Variants in FAM228B observed in about 807,000 individuals in gnomAD.
The protein encoded by FAM228B is family with sequence similarity 228 member B, also known as protein FAM228B.
Under a neutral mutation model 42.6 loss-of-function variants are expected in FAM228B, and 38 were observed. The observed-to-expected ratio is 0.89, with a 90% CI of 0.69 to 1.17. The LOEUF (loss-of-function observed/expected upper bound fraction) is 1.17, where lower values mean the gene tolerates loss of function less well. Ranked by LOEUF, FAM228B falls within the 50% of genes most tolerant of loss-of-function variation. The pLI is 0.00. For missense variants in FAM228B, 344 were observed against 367.3 expected (o/e 0.94, Z 0.52); for synonymous variants, 109 against 122.3 (o/e 0.89, Z 0.72).
At chr2:24,150,280 A>G (rs2384008) in intron 7 of FAM228B, among the ~76,000 whole-genome samples, 40,222 of 152,040 alleles carry the variant, frequency 0.26, 6,145 homozygotes, top group Non-Finnish European at 0.35. Context: ...CATATAGGAT[A>G]GGTTTGGTGT....
intron 2 of FAM228B, among the ~76,000 whole-genome samples, chr2:24,082,375 T>G (rs1665043777): frequency 6.6e-6 from 1 of 152,188 alleles, no homozygotes; most frequent in Admixed American, 6.5e-5. Flanking sequence ...CTGACTACCC[T>G]TGTCCACACC....
intron 5 of FAM228B, among the ~76,000 whole-genome samples, chr2:24,141,200 G>A (rs535367135): frequency 2.8e-4 from 42 of 151,600 alleles, no homozygotes; most frequent in Non-Finnish European, 5.6e-4. Flanking sequence ...TCAGCCTCCC[G>A]AGTAACTGGG....
chr2:24,079,225 G>T, intron 1 of FAM228B: 1 of 548,768 alleles, frequency 1.8e-6, no homozygotes. Flanking sequence ...GATAACCTGT[G>T]AAGTATCAGC....
chr2:24,124,941 A>G (rs1666269052), intron 2 of FAM228B, among the ~76,000 whole-genome samples: 1 of 152,212 alleles, frequency 6.6e-6, no homozygotes, highest in African/African-American at 2.4e-5. Flanking sequence ...AGCTCAAGCA[A>G]TCCACCTACC....
At position 24,080,045 on chromosome 2, in the gene FAM228B, C is replaced by G. The variant is rs897404848; in HGVS notation, c.-289-831C>G. On this transcript the variant is annotated intron_variant, in intron 1 of 10. Coordinates refer to the FAM228B transcript ENST00000613899. This position sits in a 1 kb window ranked among gnomAD's most constrained non-coding sequence, Gnocchi z 4.7. ...ATAGGCTTTCTAGCTTTGGTTTCAT[C>G]TCTCCTTTTCTACTCACATAAAAAA... 6.6e-5 allele frequency among the ~76,000 whole-genome samples: 10 copies of G among 152,108 alleles called. No homozygotes were observed. Among genetic ancestry groups the G allele is most frequent in the Admixed American group, 2.6e-4 (4 of 15,270 alleles).
intron 3 of FAM228B, among the ~76,000 whole-genome samples, chr2:24,101,154 C>T (rs561540967): frequency 1.3e-5 from 2 of 152,196 alleles, no homozygotes; most frequent in African/African-American, 4.8e-5. Context: ...ACAAGAAATA[C>T]CTAATGTAAA....
upstream of FAM228B, among the ~76,000 whole-genome samples, chr2:24,120,872 C>CTTTT (rs35518003): frequency 1.4e-5 from 2 of 141,844 alleles, no homozygotes; most frequent in Non-Finnish European, 3.1e-5. Flanking sequence ...ATGATTATCT[C>CTTTT]TTTTTTTTTT....
intron 2 of FAM228B, among the ~76,000 whole-genome samples, chr2:24,127,782 C>A (rs1666353223): frequency 6.6e-6 from 1 of 152,016 alleles, no homozygotes; most frequent in Non-Finnish European, 1.5e-5. Context: ...TGTGCCTAAG[C>A]CTCCCGAGTA....
intron 3 of FAM228B, among the ~76,000 whole-genome samples, chr2:24,098,297 AAGAGAT>A (rs1219366166): frequency 4.6e-5 from 7 of 152,202 alleles, no homozygotes; most frequent in African/African-American, 1.7e-4. Flanking sequence ...GCAGAGATGA[AAGAGAT>A]AGAGACACGA....
chr2:24,084,246 C>G lies in FAM228B; in HGVS notation c.-210+3291C>G, dbSNP rs1213074091. The G allele has an allele frequency of 6.2e-7, 1 of 1,614,132 alleles. No homozygotes were observed. The highest frequency in any genetic ancestry group is 8.5e-7 in the Non-Finnish European group (1 of 1,180,010). On this transcript the variant is annotated intron_variant, in intron 2 of 10. Transcript: ENST00000613899. The surrounding 1 kb of genome is among the most constrained non-coding windows in gnomAD (Gnocchi z 8.4). Reference sequence around the variant, plus strand: ...CCGCCACCTTCAGGAGGACTTCACCCTCCCCCGGGCTCGGCTTGGCCACCT... The same window carrying G: ...CCGCCACCTTCAGGAGGACTTCACCGTCCCCCGGGCTCGGCTTGGCCACCT...
At chr2:24,133,365 G>C (rs546685755) in intron 2 of FAM228B, among the ~76,000 whole-genome samples, 1 of 152,188 alleles carries the variant, frequency 6.6e-6, no homozygotes. Flanking sequence ...AAACAAACTA[G>C]AGTAGACTCA....
At chr2:24,128,799 G>T (rs2151014669) in intron 2 of FAM228B, among the ~76,000 whole-genome samples, 1 of 152,038 alleles carries the variant, frequency 6.6e-6, no homozygotes, top group East Asian at 1.9e-4. Flanking sequence ...GATTCTTTCA[G>T]GTCTTGCCTC....
At chr2:24,140,749 G>A (rs1666723003) in intron 5 of FAM228B, among the ~76,000 whole-genome samples, 1 of 151,856 alleles carries the variant, frequency 6.6e-6, no homozygotes. Flanking sequence ...ATCACCTGAG[G>A]TCAGGAGTTC....
chr2:24,135,693 A>G (rs960166854), intron 3 of FAM228B, among the ~76,000 whole-genome samples: 32 of 152,170 alleles, frequency 2.1e-4, no homozygotes, highest in African/African-American at 7.5e-4. Flanking sequence ...GAATGGCTGA[A>G]GTGTGCTATG....
intron 2 of FAM228B, chr2:24,082,966 T>G: frequency 6.2e-7 from 1 of 1,614,130 alleles, no homozygotes; most frequent in Non-Finnish European, 8.5e-7. Flanking sequence ...CCCTCTGGGA[T>G]AGGCATGAGG....
intron 7 of FAM228B, among the ~76,000 whole-genome samples, chr2:24,158,214 CCAAAACA>C (rs1667202453): frequency 1.0e-5 from 1 of 95,704 alleles, no homozygotes; most frequent in African/African-American, 4.6e-5. Flanking sequence ...TTTTTTTTTT[CCAAAACA>C]TTGTTCCCAA....
At chr2:24,117,461 G>A (rs1346861285) in intron 3 of FAM228B, among the ~76,000 whole-genome samples, 2 of 140,182 alleles carry the variant, frequency 1.4e-5, no homozygotes, top group African/African-American at 5.4e-5. Context: ...TTTTTTTCTC[G>A]AGACAGAGTC....
chr2:24,079,479 G>A, intron 1 of FAM228B: 2 of 1,614,060 alleles, frequency 1.2e-6, no homozygotes, highest in Non-Finnish European at 1.7e-6. Flanking sequence ...CTGGTGATCA[G>A]ACTTCCTCGC....
intron 5 of FAM228B, among the ~76,000 whole-genome samples, chr2:24,144,402 G>A (rs974664645): frequency 7.2e-5 from 11 of 152,300 alleles, no homozygotes; most frequent in Non-Finnish European, 1.2e-4. Flanking sequence ...CTCCAGCCTG[G>A]ACGACAGAGC....
Sources: gnomAD v4.1 joint callset for allele counts (sites outside exome capture counted in the v4.1 genomes callset) on GRCh38, gnomAD v4.1.1 for gene constraint, Gnocchi (gnomAD v3.1) non-coding constraint, MANE v1.5 for transcripts, NCBI Gene and HGNC (gene_info 2026-07-23, HGNC 2026-07-21) for gene names.